The following SORCS1 variants were observed in gnomAD, a reference collection of about 807,000 sequenced individuals.
The protein encoded by SORCS1 is VPS10 domain-containing receptor SorCS1.
SORCS1 carries 60 observed loss-of-function variants against 146.1 expected under a neutral mutation model. That is an observed-to-expected ratio of 0.41 (90% CI 0.33 to 0.51). The LOEUF is 0.51. Ranked by LOEUF, SORCS1 falls within the 20% of genes least tolerant of loss-of-function variation. The probability of loss-of-function intolerance (pLI) is 0.21; values close to 1 mark genes in which losing one functional copy is unlikely to be tolerated. For synonymous variants in SORCS1, 637 were observed against 584.0 expected, an observed-to-expected ratio of 1.09 and a Z score of -1.31; for missense variants, 1,352 against 1,487.6, an observed-to-expected ratio of 0.91 and a Z score of 1.50.
At chr10:107,051,011 T>C (rs1472859168) in intron 1 of SORCS1, among the ~76,000 whole-genome samples, 5 of 152,004 alleles carry the variant, frequency 3.3e-5, no homozygotes, top group Non-Finnish European at 5.9e-5. Flanking sequence ...TTCCTTCCTT[T>C]TTCTCTCCCT....
At chr10:107,157,364 G>C (rs974302482) in intron 1 of SORCS1, among the ~76,000 whole-genome samples, 6 of 152,196 alleles carry the variant, frequency 3.9e-5, no homozygotes, top group Non-Finnish European at 7.3e-5. Context: ...AATGTTATTT[G>C]ACCTTCTTCT....
At position 107,004,150 on chromosome 10, in the gene SORCS1, T is replaced by C. The variant is rs562019704; in HGVS notation, c.559-47570A>G. ...GAGATTGCGCCACTGCACTCCAGCC[T>C]GGGCGACAGAGTGTGATCCCATCTC... On this transcript the variant is annotated intron_variant, in intron 1 of 25. Coordinates refer to ENST00000263054, the MANE Select transcript of SORCS1 (RefSeq NM_052918.5). Among the ~76,000 whole-genome samples, 12 of 118,502 alleles carry C rather than the reference T, an allele frequency of 1.0e-4. No homozygotes were observed. The South Asian group carries it at 3.2e-3, about 31-fold the overall frequency. The allele number at this position is 118,502 out of a possible 152,430, so 77.7% of individuals were successfully genotyped here.
At chr10:106,681,598 T>A (rs1589652001) in intron 10 of SORCS1, among the ~76,000 whole-genome samples, 1 of 152,190 alleles carries the variant, frequency 6.6e-6, no homozygotes, top group East Asian at 1.9e-4. Flanking sequence ...ATAATCTGAA[T>A]AATGTTGTGA....
intron 4 of SORCS1, among the ~76,000 whole-genome samples, chr10:106,773,864 G>A (rs576001598): frequency 4.6e-5 from 7 of 152,078 alleles, no homozygotes; most frequent in Non-Finnish European, 1.0e-4. Flanking sequence ...CAGGAGAATC[G>A]CCTGAACCCT....
intron 18 of SORCS1, among the ~76,000 whole-genome samples, chr10:106,637,582 T>A (rs1176337713): frequency 3.9e-5 from 6 of 152,008 alleles, no homozygotes; most frequent in East Asian, 1.9e-4. Flanking sequence ...GGATGAAGAG[T>A]CGCCAGTGAA....
At chr10:106,633,762 G>T (rs1015594705) in intron 18 of SORCS1, among the ~76,000 whole-genome samples, 1 of 152,192 alleles carries the variant, frequency 6.6e-6, no homozygotes. Flanking sequence ...TTTGAAATCA[G>T]TGATTCTGGG....
At chr10:106,799,224 T>C (rs947004828) in intron 3 of SORCS1, among the ~76,000 whole-genome samples, 3 of 152,174 alleles carry the variant, frequency 2.0e-5, no homozygotes, top group African/African-American at 7.2e-5. Flanking sequence ...TATACAAAAA[T>C]TAATTCAAGA....
At chr10:106,614,739 C>T (rs1470172403) in intron 21 of SORCS1, among the ~76,000 whole-genome samples, 1 of 152,154 alleles carries the variant, frequency 6.6e-6, no homozygotes, top group Non-Finnish European at 1.5e-5. Context: ...ACTTAGCATA[C>T]TAACCAGCAT....
intron 1 of SORCS1, among the ~76,000 whole-genome samples, chr10:107,080,045 A>G (rs572428518): frequency 6.6e-6 from 1 of 152,242 alleles, no homozygotes; most frequent in African/African-American, 2.4e-5. Flanking sequence ...ACAAATGAAT[A>G]TATTACAAAC....
the SORCS1 span, among the ~76,000 whole-genome samples, chr10:107,175,236 G>T: frequency 6.6e-6 from 1 of 152,060 alleles, no homozygotes; most frequent in South Asian, 2.1e-4. Flanking sequence ...GTCCTTAATG[G>T]ATTTTGAAAT....
At chr10:106,964,911 G>T (rs1955430367) in intron 1 of SORCS1, among the ~76,000 whole-genome samples, 1 of 150,826 alleles carries the variant, frequency 6.6e-6, no homozygotes, top group Non-Finnish European at 1.5e-5. Context: ...ACCATGCCTG[G>T]CCAAGACCAG....
the SORCS1 span, among the ~76,000 whole-genome samples, chr10:107,176,033 C>G: frequency 6.6e-6 from 1 of 152,158 alleles, no homozygotes; most frequent in African/African-American, 2.4e-5. Context: ...CTTATATACA[C>G]ACATATATAT....
intron 2 of SORCS1, among the ~76,000 whole-genome samples, chr10:106,927,143 G>A (rs925456046): frequency 6.6e-6 from 1 of 152,114 alleles, no homozygotes; most frequent in Non-Finnish European, 1.5e-5. Context: ...AGAATTGGTG[G>A]CTTCTTGGTC....
chr10:107,173,490 A>G, the SORCS1 span, among the ~76,000 whole-genome samples: 20 of 152,202 alleles, frequency 1.3e-4, no homozygotes, highest in Non-Finnish European at 2.2e-4. Context: ...ACATTAAAAC[A>G]TCATGTTATA....
intron 2 of SORCS1, among the ~76,000 whole-genome samples, chr10:106,919,580 T>C (rs991958928): frequency 3.3e-5 from 5 of 152,164 alleles, no homozygotes; most frequent in Admixed American, 1.3e-4. Flanking sequence ...CGCAATACCA[T>C]AGAGCATGAA....
At chr10:107,084,545 G>A (rs545876293) in intron 1 of SORCS1, among the ~76,000 whole-genome samples, 1 of 152,112 alleles carries the variant, frequency 6.6e-6, no homozygotes, top group South Asian at 2.1e-4. Context: ...GGAGAGAGAA[G>A]AGAGATTACT....
At chr10:106,929,054 A>G (rs532961821) in intron 2 of SORCS1, among the ~76,000 whole-genome samples, 2 of 152,236 alleles carry the variant, frequency 1.3e-5, no homozygotes, top group African/African-American at 4.8e-5. Context: ...ATCCATAAGA[A>G]ATGCACAGGC....
intron 2 of SORCS1, among the ~76,000 whole-genome samples, chr10:106,894,149 A>G (rs1589650178): frequency 6.6e-6 from 1 of 152,332 alleles, no homozygotes; most frequent in South Asian, 2.1e-4. Flanking sequence ...ATCATGTGAC[A>G]TATTTTATTT....
chr10:106,793,077 C>G (rs924973009), intron 3 of SORCS1, among the ~76,000 whole-genome samples: 4 of 152,134 alleles, frequency 2.6e-5, no homozygotes, highest in Admixed American at 1.3e-4. Flanking sequence ...CACTAAATGC[C>G]TTATTACAAC....
Sources: allele counts gnomAD v4.1 joint callset (sites outside exome capture counted in the v4.1 genomes callset), GRCh38; gene constraint gnomAD v4.1.1; transcripts MANE v1.5; gene names NCBI Gene and HGNC (gene_info 2026-07-23, HGNC 2026-07-21).